Variants in PDE4D observed in about 807,000 individuals in gnomAD.
PDE4D encodes the protein phosphodiesterase 4D.
In PDE4D, 24 loss-of-function variants were observed where a neutral mutation model predicts 87.4. The observed-to-expected ratio is 0.27, with a 90% CI of 0.20 to 0.39. The LOEUF is 0.39. PDE4D is among the 10% of genes least tolerant of loss of function. PDE4D has a pLI of 1.00. For missense variants in PDE4D, 714 were observed against 1,041.0 expected, an observed-to-expected ratio of 0.69 and a Z score of 4.32; for synonymous variants, 384 against 383.2, an observed-to-expected ratio of 1.00 and a Z score of -0.02.
intron 2 of PDE4D, among the ~76,000 whole-genome samples, chr5:60,076,164 ATT>A (rs1007575531): frequency 7.7e-6 from 1 of 129,720 alleles, no homozygotes; most frequent in Admixed American, 7.8e-5. Flanking sequence ...TCTTTTTCGA[ATT>A]TTTTTTTTTT....
intron 1 of PDE4D, among the ~76,000 whole-genome samples, chr5:59,616,178 C>T (rs1235142472): frequency 6.6e-6 from 1 of 151,652 alleles, no homozygotes; most frequent in Admixed American, 6.6e-5. Context: ...GTCCATGTGT[C>T]TTAGTAGTAA....
chr5:59,631,275 G>A (rs1022117780), intron 1 of PDE4D, among the ~76,000 whole-genome samples: 9 of 152,082 alleles, frequency 5.9e-5, no homozygotes, highest in Admixed American at 5.2e-4. Context: ...GCTAGTAAGT[G>A]CCAGAGAGTA....
chr5:59,837,798 A>G (rs1049840414), intron 1 of PDE4D, among the ~76,000 whole-genome samples: 1 of 152,106 alleles, frequency 6.6e-6, no homozygotes, highest in Non-Finnish European at 1.5e-5. Context: ...TAACTAGGAC[A>G]CCATTGCTCC....
chr5:60,318,059 G>A (rs1322502325), intron 1 of PDE4D, among the ~76,000 whole-genome samples: 5 of 152,084 alleles, frequency 3.3e-5, no homozygotes, highest in East Asian at 1.9e-4. Context: ...TTTCTGTCTC[G>A]TTGATCTGTC....
chr5:60,372,677 CT>C (rs1258205740), intron 1 of PDE4D: 1 of 152,142 alleles, frequency 6.6e-6, no homozygotes, highest in East Asian at 1.9e-4. Flanking sequence ...AAAATGTGTT[CT>C]TTTGAGTTTC....
chr5:59,255,733 A>G (rs1760857102), intron 1 of PDE4D, among the ~76,000 whole-genome samples: 2 of 152,120 alleles, frequency 1.3e-5, no homozygotes, highest in Admixed American at 1.3e-4. Context: ...GGAGGAAGAG[A>G]ATAGAATTTA....
At chr5:60,251,642 T>C (rs1748474267) in intron 1 of PDE4D, among the ~76,000 whole-genome samples, 1 of 151,994 alleles carries the variant, frequency 6.6e-6, no homozygotes, top group Non-Finnish European at 1.5e-5. Flanking sequence ...TTCCATATCT[T>C]TGCTATTATG....
intron 1 of PDE4D, among the ~76,000 whole-genome samples, chr5:59,540,407 G>A (rs1816112238): frequency 6.6e-6 from 1 of 152,084 alleles, no homozygotes; most frequent in African/African-American, 2.4e-5. Flanking sequence ...ATTTCTGCAA[G>A]TTAAAAAATT....
intron 1 of PDE4D, among the ~76,000 whole-genome samples, chr5:59,753,394 G>T (rs553696438): frequency 5.9e-5 from 9 of 152,080 alleles, no homozygotes; most frequent in Non-Finnish European, 1.2e-4. Flanking sequence ...GAAGATAATG[G>T]CCAGATAAAC....
chr5:60,318,794 AGAATGTT>A (rs1166457754), intron 1 of PDE4D, among the ~76,000 whole-genome samples: 1 of 152,042 alleles, frequency 6.6e-6, no homozygotes, highest in Non-Finnish European at 1.5e-5. Context: ...CTTTTCTTTA[AGAATGTT>A]GAATATTGGC....
chr5:59,186,183 A>G (rs1232168267), intron 3 of PDE4D, among the ~76,000 whole-genome samples: 3 of 152,142 alleles, frequency 2.0e-5, no homozygotes, highest in Non-Finnish European at 4.4e-5. Flanking sequence ...CAGATTCCAA[A>G]TGTCTGAGTA....
At chr5:59,446,777 T>C (rs1010252072) in intron 1 of PDE4D, among the ~76,000 whole-genome samples, 7 of 152,232 alleles carry the variant, frequency 4.6e-5, no homozygotes, top group African/African-American at 1.7e-4. Context: ...TGCTGTGTTC[T>C]AGCCAGTCTT....
intron 1 of PDE4D, among the ~76,000 whole-genome samples, chr5:59,344,608 A>T (rs1779331456): frequency 6.6e-6 from 1 of 152,084 alleles, no homozygotes; most frequent in Admixed American, 6.6e-5. Flanking sequence ...TCTGTAGCAC[A>T]GGCTGGTGTC....
intron 1 of PDE4D, among the ~76,000 whole-genome samples, chr5:59,460,008 T>C (rs1383128496): frequency 6.6e-6 from 1 of 152,072 alleles, no homozygotes; most frequent in Admixed American, 6.6e-5. Flanking sequence ...TTCTAACAAT[T>C]AGAACTGCCC....
chr5:60,234,321 T>C (rs1746169588), intron 1 of PDE4D, among the ~76,000 whole-genome samples: 1 of 151,826 alleles, frequency 6.6e-6, no homozygotes, highest in Non-Finnish European at 1.5e-5. Flanking sequence ...TATGGATATA[T>C]CACATTTTGA....
intron 1 of PDE4D, among the ~76,000 whole-genome samples, chr5:60,251,730 C>T (rs777951817): frequency 6.6e-6 from 1 of 151,846 alleles, no homozygotes; most frequent in Non-Finnish European, 1.5e-5. Flanking sequence ...TGGGTATATA[C>T]TCAGTAATAG....
At chr5:59,567,016 A>G (rs1395337) in intron 1 of PDE4D, among the ~76,000 whole-genome samples, 109,065 of 151,974 alleles carry the variant, frequency 0.72, 39,614 homozygotes, top group South Asian at 0.81. Context: ...CAATTTTTAC[A>G]TTACATGTTT....
intron 1 of PDE4D, among the ~76,000 whole-genome samples, chr5:59,633,887 A>C (rs1831895874): frequency 6.6e-6 from 1 of 152,206 alleles, no homozygotes; most frequent in Non-Finnish European, 1.5e-5. Context: ...CATACATAAC[A>C]ATATTAACCT....
At chr5:60,371,815 T>A (rs1243028082) in intron 1 of PDE4D, among the ~76,000 whole-genome samples, 1 of 152,218 alleles carries the variant, frequency 6.6e-6, no homozygotes, top group East Asian at 1.9e-4. Context: ...TTTAGATTCA[T>A]CCATATTGTA....
Sources: gnomAD v4.1 joint callset for allele counts (sites outside exome capture counted in the v4.1 genomes callset) on GRCh38, gnomAD v4.1.1 for gene constraint, MANE v1.5 for transcripts, NCBI Gene and HGNC (gene_info 2026-07-23, HGNC 2026-07-21) for gene names.